KDM4C: variants seen among roughly 807,000 people sequenced by gnomAD.
KDM4C encodes lysine-specific demethylase 4C.
In KDM4C, 81 loss-of-function variants were observed where a neutral mutation model predicts 129.3. That is an observed-to-expected ratio of 0.63 (90% CI 0.52 to 0.75). The LOEUF (loss-of-function observed/expected upper bound fraction) is 0.75, where lower values mean the gene tolerates loss of function less well. Among genes scored for constraint, KDM4C ranks in the 30% least tolerant of loss-of-function variants. The probability of loss-of-function intolerance (pLI) is 0.00; values close to 1 mark genes in which losing one functional copy is unlikely to be tolerated. For synonymous variants in KDM4C, 573 were observed against 456.1 expected (o/e 1.26, Z -3.26); for missense variants, 1,457 against 1,304.0 (o/e 1.12, Z -1.81).
At chr9:7,071,428 G>A (rs906351438) in intron 17 of KDM4C, among the ~76,000 whole-genome samples, 4 of 152,148 alleles carry the variant, frequency 2.6e-5, no homozygotes, top group Non-Finnish European at 5.9e-5. Context: ...TTAATGTGGT[G>A]AAGGGATAGA....
At chr9:6,892,653 C>T (rs1182580208) in intron 7 of KDM4C, among the ~76,000 whole-genome samples, 1 of 152,140 alleles carries the variant, frequency 6.6e-6, no homozygotes, top group Non-Finnish European at 1.5e-5. Context: ...AACAAGAATT[C>T]ATGATATAGC....
chr9:7,157,405 T>G (rs1430507757), intron 19 of KDM4C, among the ~76,000 whole-genome samples: 3 of 152,162 alleles, frequency 2.0e-5, no homozygotes, highest in Admixed American at 1.3e-4. Flanking sequence ...ATAGGAGTGG[T>G]GAGGGAGGGC....
At chr9:7,126,870 A>G (rs1840076324) in intron 18 of KDM4C, among the ~76,000 whole-genome samples, 1 of 152,136 alleles carries the variant, frequency 6.6e-6, no homozygotes, top group African/African-American at 2.4e-5. Context: ...AAAGAAAAGA[A>G]AAAGAAAGAA....
intron 11 of KDM4C, 143 bp downstream of exon 11, chr9:6,986,809 A>G (rs535216384): frequency 3.3e-6 from 2 of 610,560 alleles, no homozygotes; most frequent in African/African-American, 3.7e-5. Flanking sequence ...TATTCATTCA[A>G]TAACTGGGAG....
chr9:6,847,406 GT>G (rs377182764), intron 4 of KDM4C, among the ~76,000 whole-genome samples: 65 of 147,602 alleles, frequency 4.4e-4, no homozygotes, highest in African/African-American at 1.4e-3. Flanking sequence ...CTCTTTTTTT[GT>G]TTTTTTTTTG....
At chr9:6,821,032 C>G (rs753715286) in intron 4 of KDM4C, among the ~76,000 whole-genome samples, 3 of 152,030 alleles carry the variant, frequency 2.0e-5, no homozygotes, top group African/African-American at 7.3e-5. Flanking sequence ...CATCCATGTC[C>G]CTGCAAAGGA....
In KDM4C at chr9:6,731,471, C is replaced by T. The variant is rs545314469; in HGVS notation, c.49+10474C>T. ...CCTCCTGAGTAGCTGGGATTACAGG[C>T]ATGCACTACCTACCACACCCAGCTA... On this transcript the variant is annotated intron_variant, in intron 1 of 17. Transcript: ENST00000536108. Among the ~76,000 whole-genome samples, 1,003 of 152,072 alleles carry T rather than the reference C, an allele frequency of 6.6e-3. 10 individuals carry two copies. Among genetic ancestry groups the T allele is most frequent in the South Asian group, 0.014 (68 of 4,810 alleles).
chr9:6,852,557 C>G (rs984956010), intron 5 of KDM4C, among the ~76,000 whole-genome samples: 1 of 152,166 alleles, frequency 6.6e-6, no homozygotes, highest in Non-Finnish European at 1.5e-5. Flanking sequence ...GCGTGTGCAC[C>G]AGCGTCCTCT....
chr9:6,825,103 GCCATTGCACT>G (rs2131261003), intron 4 of KDM4C, among the ~76,000 whole-genome samples: 1 of 143,846 alleles, frequency 7.0e-6, no homozygotes, highest in Admixed American at 7.3e-5. Flanking sequence ...CTGAGATAGT[GCCATTGCACT>G]CCAGCCTGGG....
At chr9:7,103,413 T>C (rs1837321821) in intron 17 of KDM4C, among the ~76,000 whole-genome samples, 1 of 152,196 alleles carries the variant, frequency 6.6e-6, no homozygotes, top group Admixed American at 6.5e-5. Flanking sequence ...TGCAGGAGTA[T>C]GTGCGAAAGT....
intron 19 of KDM4C, among the ~76,000 whole-genome samples, chr9:7,154,302 C>T (rs185312261): frequency 6.6e-6 from 1 of 152,320 alleles, no homozygotes; most frequent in Admixed American, 6.5e-5. Context: ...TGGCATTTCG[C>T]CCCAGGTCAC....
At chr9:6,976,659 C>G (rs1377628371) in intron 8 of KDM4C, among the ~76,000 whole-genome samples, 1 of 152,082 alleles carries the variant, frequency 6.6e-6, no homozygotes, top group African/African-American at 2.4e-5. Context: ...TTGATTGTGC[C>G]TCAAAGATAA....
chr9:6,946,061 C>T (rs576111214), intron 8 of KDM4C, among the ~76,000 whole-genome samples: 1 of 152,102 alleles, frequency 6.6e-6, no homozygotes, highest in South Asian at 2.1e-4. Context: ...GAGTTATGTC[C>T]AGTCACTTCA....
intron 1 of KDM4C, among the ~76,000 whole-genome samples, chr9:6,765,300 T>C (rs1820393118): frequency 6.6e-6 from 1 of 152,204 alleles, no homozygotes; most frequent in East Asian, 1.9e-4. Context: ...GTTTTTTGCC[T>C]GACTGATTTC....
intron 5 of KDM4C, among the ~76,000 whole-genome samples, chr9:6,850,277 C>T (rs1411265307): frequency 6.6e-6 from 1 of 152,058 alleles, no homozygotes. Context: ...ATTTTGTGAA[C>T]CATGAATTGA....
At position 6,734,041 on chromosome 9, in the gene KDM4C, C is replaced by A. The variant is rs1480195070; in HGVS notation, c.49+13044C>A. Among the ~76,000 whole-genome samples, 3 of 152,272 alleles carry A rather than the reference C, an allele frequency of 2.0e-5. No individual in the cohort carries two copies. The East Asian group carries it at 5.8e-4, about 29-fold the overall frequency. On this transcript the variant is annotated intron_variant, in intron 1 of 17. Coordinates refer to the KDM4C transcript ENST00000536108. ...TCTTGTGCTGACCTCCTATGTCATCCTGTGACTTAGAATGCGTTAACCGTC... is the reference window on the plus strand; with the variant it reads ...TCTTGTGCTGACCTCCTATGTCATCATGTGACTTAGAATGCGTTAACCGTC...
intron 8 of KDM4C, among the ~76,000 whole-genome samples, chr9:6,946,954 C>T (rs1827083387): frequency 6.6e-6 from 1 of 151,944 alleles, no homozygotes; most frequent in Non-Finnish European, 1.5e-5. Context: ...TGGCCAGATC[C>T]CAAATATTCC....
At chr9:6,866,967 ATGTTTGTG>A (rs1842085805) in intron 5 of KDM4C, among the ~76,000 whole-genome samples, 2 of 104,962 alleles carry the variant, frequency 1.9e-5, no homozygotes, top group Non-Finnish European at 4.1e-5. Context: ...ATAAAAATAT[ATGTTTGTG>A]TGTGTGTGTG....
At chr9:6,861,691 A>G (rs1003395235) in intron 5 of KDM4C, among the ~76,000 whole-genome samples, 3 of 152,126 alleles carry the variant, frequency 2.0e-5, no homozygotes, top group Non-Finnish European at 2.9e-5. Context: ...TGTGGGCTTC[A>G]TAGAGGATTT....
Sources: gnomAD v4.1 joint callset for allele counts (sites outside exome capture counted in the v4.1 genomes callset) on GRCh38, gnomAD v4.1.1 for gene constraint, MANE v1.5 for transcripts, NCBI Gene and HGNC (gene_info 2026-07-23, HGNC 2026-07-21) for gene names.